SET: variants seen among roughly 807,000 people sequenced by gnomAD.
SET encodes the protein protein SET.
Under a neutral mutation model 39.0 loss-of-function variants are expected in SET, and 4 were observed. The ratio of observed to expected loss-of-function variants is 0.10; its 90% CI spans 0.05 to 0.23. The LOEUF (loss-of-function observed/expected upper bound fraction) is 0.23, where lower values mean the gene tolerates loss of function less well. Among genes scored for constraint, SET ranks in the 10% least tolerant of loss-of-function variants. The pLI is 1.00. For synonymous variants in SET, 114 were observed against 115.9 expected (o/e 0.98, Z 0.11); for missense variants, 137 against 329.7 (o/e 0.42, Z 4.53).
At chr9:128,692,039 G>GT (rs1564360453) in intron 3 of SET, 39 bp downstream of exon 3, 1 of 1,601,974 alleles carries the variant, frequency 6.2e-7, no homozygotes, top group East Asian at 2.2e-5. Flanking sequence ...GATAAACAGT[G>GT]TTTGTTAGAA....
At chr9:128,688,989 G>T (rs554671333), upstream of SET, among the ~76,000 whole-genome samples, 3 of 151,598 alleles carry the variant, frequency 2.0e-5, no homozygotes, top group Admixed American at 1.3e-4. Context: ...CCTGCCGCGC[G>T]CCAGTGTCCT....
intron 1 of SET, chr9:128,690,704 A>G (rs1861499638): frequency 5.6e-6 from 1 of 179,882 alleles, no homozygotes; most frequent in Non-Finnish European, 1.2e-5. Flanking sequence ...TCGTAATAGC[A>G]GAGTCGTCAA....
chr9:128,694,732 G>GTATT lies in SET; in HGVS notation c.*69_*70insATTT. 1 of 470,224 alleles carries GTATT rather than the reference G, an allele frequency of 2.1e-6. No individual in the cohort carries two copies. The highest frequency in any genetic ancestry group is 3.6e-6 in the Non-Finnish European group (1 of 281,010). 29.1% of individuals were successfully genotyped at this position (470,224 alleles called of 1,614,324 possible). ...CTCCAGTCCCTGGGAGCAAGTTGCA[G>GTATT]TCTTTTTTTTTTTTTTTTTTTTTTT... On this transcript the variant is annotated 3_prime_UTR_variant, in exon 8 of 8. Transcript: ENST00000322030.
chr9:128,689,011 G>C (rs1861386347), upstream of SET, among the ~76,000 whole-genome samples: 1 of 151,262 alleles, frequency 6.6e-6, no homozygotes, highest in Non-Finnish European at 1.5e-5. Context: ...GGTCGGGCCG[G>C]AGAGGGGAGA....
rs970393126 is a variant in SET at position 128,692,610 on chromosome 9, T to C, written c.275-52T>C. ...ATTTTAAAGGGATCACTTAAATTGTTGTTAGTGTGTGCCTGTTGAAAATTC... is the reference window on the plus strand; with the variant it reads ...ATTTTAAAGGGATCACTTAAATTGTCGTTAGTGTGTGCCTGTTGAAAATTC... On this transcript the variant is annotated intron_variant, in intron 3 of 7. Coordinates refer to ENST00000322030, the MANE Select transcript of SET (RefSeq NM_003011.4). 5 of 1,187,462 alleles carry C rather than the reference T, an allele frequency of 4.2e-6. No individual in the cohort carries two copies. In the African/African-American group the frequency reaches 7.5e-5, roughly 18 times the overall value. 73.6% of individuals were successfully genotyped at this position (1,187,462 alleles called of 1,614,324 possible).
At chr9:128,689,013 G>C (rs1172822263), upstream of SET, among the ~76,000 whole-genome samples, 1 of 151,186 alleles carries the variant, frequency 6.6e-6, no homozygotes, top group Non-Finnish European at 1.5e-5. Flanking sequence ...TCGGGCCGGA[G>C]AGGGGAGAGC....
At chr9:128,689,990 A>G in intron 1 of SET, 1 of 1,006,596 alleles carries the variant, frequency 9.9e-7, no homozygotes, top group Non-Finnish European at 1.2e-6. Flanking sequence ...CTCCGCCATG[A>G]TGCCTCGCTC....
At chr9:128,687,232 G>A (rs1457660773), upstream of SET, among the ~76,000 whole-genome samples, 3 of 151,486 alleles carry the variant, frequency 2.0e-5, no homozygotes, top group Admixed American at 6.6e-5. Flanking sequence ...GGTAGTGGGC[G>A]CCTGTAATCC....
At position 128,695,274 on chromosome 9, in the gene SET, T is replaced by C; in HGVS notation, c.*610T>C. 1 of 223,232 alleles carries C rather than the reference T, an allele frequency of 4.5e-6. No homozygotes were observed. The highest frequency in any genetic ancestry group is 9.1e-6 in the Non-Finnish European group (1 of 109,410). The allele number at this position is 223,232 out of a possible 1,614,324, so 13.8% of individuals were successfully genotyped here. ...CCTTTGGCATGTTTAATTGTGATAT[T>C]TGACAGACATCCTTGCAGTTTAAGA... is the stretch of plus-strand genomic sequence containing the variant. On this transcript the variant is annotated 3_prime_UTR_variant, in exon 8 of 8. Coordinates refer to ENST00000322030, the MANE Select transcript of SET (RefSeq NM_003011.4).
upstream of SET, among the ~76,000 whole-genome samples, chr9:128,685,958 C>T (rs940933996): frequency 6.6e-6 from 1 of 151,426 alleles, no homozygotes; most frequent in South Asian, 2.1e-4. Context: ...ACTCCGGAGG[C>T]GGAGGTTGCA....
At chr9:128,686,011 G>GAAC (rs200267325), upstream of SET, among the ~76,000 whole-genome samples, 6 of 150,116 alleles carry the variant, frequency 4.0e-5, no homozygotes, top group East Asian at 7.9e-4. Context: ...TGGGCGACAA[G>GAAC]AACAACAACA....
At chr9:128,683,738 G>A (rs917452550) in exon 1 of SET, 20 of 579,544 alleles carry the variant, frequency 3.5e-5, no homozygotes, top group Non-Finnish European at 5.7e-5. Flanking sequence ...GGGGGAGGGG[G>A]CCGGGGTGTG....
upstream of SET, among the ~76,000 whole-genome samples, chr9:128,686,032 A>AAC (rs1861274819): frequency 6.6e-6 from 1 of 151,000 alleles, no homozygotes; most frequent in African/African-American, 2.5e-5. Flanking sequence ...ACAACAACAA[A>AAC]AAAAAAAACA....
Position 128,695,738 on chromosome 9 carries a change from T to C in SET, c.*1074T>C, listed in dbSNP as rs1861712604. On this transcript the variant is annotated 3_prime_UTR_variant, in exon 8 of 8. Coordinates refer to ENST00000322030, the MANE Select transcript of SET (RefSeq NM_003011.4). ...CCATAGCTGGGAAACGTGGGTTCAA[T>C]TTGCCATTGGTTTCTGAAAGTATTC... 1 of 227,584 alleles carries C rather than the reference T, an allele frequency of 4.4e-6. No homozygotes were observed. The highest frequency in any genetic ancestry group is 6.2e-5 in the East Asian group (1 of 16,168). 14.1% of individuals were successfully genotyped at this position (227,584 alleles called of 1,614,324 possible).
chr9:128,689,141 C>T (rs1861394058), upstream of SET: 4 of 406,924 alleles, frequency 9.8e-6, no homozygotes, highest in South Asian at 3.1e-4. Flanking sequence ...CCGCCCAGGC[C>T]AATGGCGCCG....
At chr9:128,693,441 A>T (rs1240658720) in intron 5 of SET, among the ~76,000 whole-genome samples, 197 bp from the exon 6 acceptor site, 1 of 152,230 alleles carries the variant, frequency 6.6e-6, no homozygotes, top group Non-Finnish European at 1.5e-5. Flanking sequence ...AACTAATTTT[A>T]TGGAAAACCA....
chr9:128,691,157 T>C lies in SET; in HGVS notation c.74-13T>C. 8 of 1,598,826 alleles carry C rather than the reference T, an allele frequency of 5.0e-6. No individual in the cohort carries two copies. Among genetic ancestry groups the C allele is most frequent in the Non-Finnish European group, 6.8e-6 (8 of 1,171,498 alleles). ...TTTATCTTAGAATTAAGTTTTTTGC[T>C]CCTTTTTTGCAGAAAAAGAACAGCA... is the stretch of plus-strand genomic sequence containing the variant. On this transcript the variant is annotated splice_polypyrimidine_tract_variant and intron_variant, in intron 1 of 7. Transcript: ENST00000322030.
At chr9:128,683,834 T>C in exon 1 of SET, 1 of 1,404,794 alleles carries the variant, frequency 7.1e-7, no homozygotes, top group Non-Finnish European at 9.7e-7. Context: ...AGTCTCAGTG[T>C]TCAGCCTGCT....
At position 128,689,319 on chromosome 9, in the gene SET, G is replaced by A; in HGVS notation, c.-264G>A. 4.0e-5 allele frequency: 40 copies of A among 1,008,128 alleles called. No individual in the cohort carries two copies. Among genetic ancestry groups the A allele is most frequent in the Non-Finnish European group, 4.8e-5 (40 of 839,862 alleles). The allele number at this position is 1,008,128 out of a possible 1,614,324, so 62.4% of individuals were successfully genotyped here. On this transcript the variant is annotated 5_prime_UTR_variant, in exon 1 of 8. Coordinates refer to ENST00000322030, the MANE Select transcript of SET (RefSeq NM_003011.4). ...CGCGAGTGAGGGAGCCGAGCCGCCC[G>A]CCGCCGCCGCCTCCGCCTCCCCTCC...
Sources: allele counts gnomAD v4.1 joint callset (sites outside exome capture counted in the v4.1 genomes callset), GRCh38; gene constraint gnomAD v4.1.1; transcripts MANE v1.5; gene names NCBI Gene and HGNC (gene_info 2026-07-23, HGNC 2026-07-21).